NPM1: variants seen among roughly 807,000 people sequenced by gnomAD.
NPM1 encodes nucleophosmin.
NPM1 carries 1 observed loss-of-function variant against 44.1 expected under a neutral mutation model. The ratio of observed to expected loss-of-function variants is 0.02; its 90% CI spans 0.01 to 0.11. The LOEUF is 0.11. NPM1 is among the 10% of genes least tolerant of loss of function. The probability of loss-of-function intolerance (pLI) is 1.00; values close to 1 mark genes in which losing one functional copy is unlikely to be tolerated. For missense variants in NPM1, 197 were observed against 347.8 expected, an observed-to-expected ratio of 0.57 and a Z score of 3.45; for synonymous variants, 126 against 111.8, an observed-to-expected ratio of 1.13 and a Z score of -0.80.
chr5:171,391,190 T>G, intron 2 of NPM1, 115 bp from the exon 3 acceptor site: 1 of 1,195,692 alleles, frequency 8.4e-7, no homozygotes, highest in Non-Finnish European at 1.2e-6. Context: ...AACAACACAT[T>G]TCTCAGAACC....
chr5:171,392,666 T>C, intron 4 of NPM1, 44 bp from the exon 5 acceptor site: 14 of 1,328,568 alleles, frequency 1.1e-5, no homozygotes, highest in Non-Finnish European at 1.5e-5. Flanking sequence ...TTTTCTGACT[T>C]CTTGCTGCTT....
At chr5:171,404,486 A>C (rs1581256505) in intron 8 of NPM1, among the ~76,000 whole-genome samples, 2 of 65,246 alleles carry the variant, frequency 3.1e-5, no homozygotes, top group Non-Finnish European at 6.0e-5. Flanking sequence ...GGCGCTCCTC[A>C]CATCCCAGAT....
chr5:171,388,228 C>T (rs904833016), intron 1 of NPM1, among the ~76,000 whole-genome samples: 2 of 152,070 alleles, frequency 1.3e-5, no homozygotes, highest in Non-Finnish European at 2.9e-5. Flanking sequence ...CGGCCTGAAG[C>T]GTCTGGGGCG....
At chr5:171,408,924 C>T (rs1771696165) in intron 10 of NPM1, among the ~76,000 whole-genome samples, 1 of 152,134 alleles carries the variant, frequency 6.6e-6, no homozygotes, top group Non-Finnish European at 1.5e-5. Flanking sequence ...TACTTTATAA[C>T]AAAGGCTTGT....
rs2113169674 is a variant in NPM1 at position 171,391,409 on chromosome 5, G to A, written c.243G>A (p.Met81Ile). ...PIKVTLATLK[M>I]SVQPTVSLGG... ...AAGTAACACTGGCAACTTTGAAAAT[G>A]TCTGTACAGCCAACGGTAAGGGCAC... Residue 81 changes from methionine to isoleucine, a missense_variant, in exon 3 of 11, where the codon ATG becomes ATA. Physicochemically the swap from Met to Ile is conservative, Grantham distance 10 (BLOSUM62 1). Coordinates refer to ENST00000296930, the MANE Select transcript of NPM1 (RefSeq NM_002520.7). 6.2e-7 allele frequency: 1 copy of A among 1,608,206 alleles called. No individual in the cohort carries two copies.
Position 171,392,940 on chromosome 5 carries a change from AGATGATGACGAT to A in NPM1, c.495_506del (p.Asp165_Asp168del), listed in dbSNP as rs775410264. On this transcript the variant is annotated inframe_deletion, in exon 6 of 11. Transcript: ENST00000296930. ...AAAAAGTAAAACTTGCTGCTGATGA[AGATGATGACGAT>A]GATGATGAAGAGGATGATGATGAAG... The A allele has an allele frequency of 1.7e-5, 27 of 1,610,542 alleles. No homozygotes were observed. Among genetic ancestry groups the A allele is most frequent in the Non-Finnish European group, 2.3e-5 (27 of 1,177,014 alleles).
At position 171,391,805 on chromosome 5, in the gene NPM1, T is replaced by C. The variant is rs1224221086; in HGVS notation, c.352+6T>C. On this transcript the variant is annotated splice_donor_region_variant and intron_variant, in intron 4 of 10. Coordinates refer to ENST00000296930, the MANE Select transcript of NPM1 (RefSeq NM_002520.7). Reference sequence around the variant, plus strand: ...TAGTGGACAGCACTTAGTAGGTATGTTATTTTTATATATTATACTACTTAG... The same window carrying C: ...TAGTGGACAGCACTTAGTAGGTATGCTATTTTTATATATTATACTACTTAG... 6.5e-7 allele frequency: 1 copy of C among 1,550,168 alleles called. No homozygotes were observed. Among genetic ancestry groups the C allele is most frequent in the South Asian group, 1.1e-5 (1 of 89,646 alleles).
intron 10 of NPM1, 67 bp from the exon 11 acceptor site, chr5:171,410,460 A>G: frequency 1.0e-6 from 1 of 973,114 alleles, no homozygotes; most frequent in Non-Finnish European, 1.6e-6. Flanking sequence ...GCAAAGAGAC[A>G]TTTAATTTAT....
Position 171,394,103 on chromosome 5 carries a change from G to A in NPM1, c.524+1125G>A, listed in dbSNP as rs187535581. Among the ~76,000 whole-genome samples, 1,422 of 145,786 alleles carry A rather than the reference G, an allele frequency of 9.8e-3. 20 individuals carry two copies. The highest frequency in any genetic ancestry group is 0.034 in the African/African-American group (1,333 of 39,216). The stretch of plus-strand genomic sequence containing the variant: ...GTTGCTCAGGCTGGAGTGCGGTGGC[G>A]CCATCTCGGCTCACCACAACCTCTG... On this transcript the variant is annotated intron_variant, in intron 6 of 10. Coordinates refer to ENST00000296930, the MANE Select transcript of NPM1 (RefSeq NM_002520.7).
At chr5:171,388,616 C>G (rs1237666562) in intron 1 of NPM1, among the ~76,000 whole-genome samples, 1 of 151,978 alleles carries the variant, frequency 6.6e-6, no homozygotes. Flanking sequence ...GGGGTGTGGG[C>G]GCTACATCCG....
intron 6 of NPM1, among the ~76,000 whole-genome samples, chr5:171,395,178 C>T (rs1326783583): frequency 1.3e-5 from 2 of 152,094 alleles, no homozygotes; most frequent in Non-Finnish European, 2.9e-5. Context: ...AGACTCCCAT[C>T]TCAGAAAAAT....
Position 171,400,502 on chromosome 5 carries a change from G to A in NPM1, c.582+292G>A, listed in dbSNP as rs146646216. ...GAGACGGAGTCTCAATGTCACCCGG[G>A]CTGGAGTACAGTGGCGCGATCTCAG... On this transcript the variant is annotated intron_variant, in intron 7 of 10. Coordinates refer to ENST00000296930, the MANE Select transcript of NPM1 (RefSeq NM_002520.7). 3.2e-4 allele frequency among the ~76,000 whole-genome samples: 48 copies of A among 149,506 alleles called. 1 individual carries two copies. The highest frequency in any genetic ancestry group is 2.9e-3 in the East Asian group (15 of 5,088).
intron 6 of NPM1, among the ~76,000 whole-genome samples, chr5:171,395,202 T>C (rs944405812): frequency 1.3e-5 from 2 of 152,126 alleles, no homozygotes; most frequent in African/African-American, 4.8e-5. Flanking sequence ...TATAAATTCA[T>C]GATGTAACCA....
At chr5:171,393,875 G>A (rs1355825552) in intron 6 of NPM1, among the ~76,000 whole-genome samples, 2 of 152,100 alleles carry the variant, frequency 1.3e-5, no homozygotes, top group Non-Finnish European at 2.9e-5. Flanking sequence ...GTTCACACCC[G>A]TAATCCTAAC....
intron 8 of NPM1, among the ~76,000 whole-genome samples, chr5:171,403,641 C>T (rs1581254742): frequency 1.0e-4 from 7 of 68,220 alleles, no homozygotes; most frequent in African/African-American, 2.1e-4. Context: ...GGGGGGCTGA[C>T]CCCCCCCACC....
chr5:171,410,018 A>G (rs1771746991), intron 10 of NPM1, among the ~76,000 whole-genome samples: 1 of 150,738 alleles, frequency 6.6e-6, no homozygotes. Flanking sequence ...CTGGTCTCAA[A>G]TTCCTGAGCT....
At chr5:171,406,839 T>C in intron 9 of NPM1, 1 of 382,086 alleles carries the variant, frequency 2.6e-6, no homozygotes, top group Non-Finnish European at 3.8e-6. Context: ...CCAAAGTCCC[T>C]TGGACATTTG....
In NPM1 at chr5:171,388,024, C is replaced by T; in HGVS notation, c.58+18C>T. The T allele has an allele frequency of 1.5e-6, 2 of 1,326,970 alleles. No individual in the cohort carries two copies. Among genetic ancestry groups the T allele is most frequent in the Non-Finnish European group, 2.0e-6 (2 of 976,952 alleles). 82.2% of individuals were successfully genotyped at this position (1,326,970 alleles called of 1,614,324 possible). ...TCTTTTCGGTAACTGCTGGGGGGAGCTGGAGCGAGGCCGAGCGGGGCCTGG... is the reference window on the plus strand; with the variant it reads ...TCTTTTCGGTAACTGCTGGGGGGAGTTGGAGCGAGGCCGAGCGGGGCCTGG... On this transcript the variant is annotated intron_variant, in intron 1 of 10. Coordinates refer to ENST00000296930, the MANE Select transcript of NPM1 (RefSeq NM_002520.7).
chr5:171,408,921 TAACAAAGGCTTGTAGC>T (rs1771695877), intron 10 of NPM1, among the ~76,000 whole-genome samples: 2 of 152,238 alleles, frequency 1.3e-5, no homozygotes, highest in South Asian at 4.1e-4. Context: ...CTGTACTTTA[TAACAAAGGCTTGTAGC>T]TACAAAGTCT....
Sources: allele counts gnomAD v4.1 joint callset (sites outside exome capture counted in the v4.1 genomes callset), GRCh38; gene constraint gnomAD v4.1.1; transcripts MANE v1.5; gene names NCBI Gene and HGNC (gene_info 2026-07-23, HGNC 2026-07-21).